Variants in FBXL7 observed in about 807,000 individuals in gnomAD.
The protein encoded by FBXL7 is F-box and leucine rich repeat protein 7.
A neutral mutation model predicts 38.3 loss-of-function variants in FBXL7; 12 were observed. The observed-to-expected ratio is 0.31, with a 90% CI of 0.20 to 0.51. The LOEUF (loss-of-function observed/expected upper bound fraction) is 0.51, where lower values mean the gene tolerates loss of function less well. Among genes scored for constraint, FBXL7 ranks in the 20% least tolerant of loss-of-function variants. The pLI, the probability that FBXL7 is intolerant of heterozygous loss-of-function variation, is 0.98. For missense variants in FBXL7, 567 were observed against 676.4 expected, an observed-to-expected ratio of 0.84 and a Z score of 1.79; for synonymous variants, 297 against 300.9, an observed-to-expected ratio of 0.99 and a Z score of 0.13.
chr5:15,694,580 A>G (rs888765564), intron 2 of FBXL7, among the ~76,000 whole-genome samples: 1 of 152,330 alleles, frequency 6.6e-6, no homozygotes. Context: ...AGCACAAAAC[A>G]GATCTTTTCC....
At chr5:15,840,719 C>T (rs189688383) in intron 2 of FBXL7, among the ~76,000 whole-genome samples, 110 of 151,812 alleles carry the variant, frequency 7.2e-4, no homozygotes, top group African/African-American at 2.5e-3. Flanking sequence ...CGGTGGCACG[C>T]GCTTGTAGTC....
intron 2 of FBXL7, among the ~76,000 whole-genome samples, chr5:15,719,329 T>C (rs1428154806): frequency 1.3e-5 from 2 of 152,194 alleles, no homozygotes; most frequent in South Asian, 2.1e-4. Flanking sequence ...TGACAAAATA[T>C]CAAGAACTGT....
At chr5:15,761,421 A>C (rs1736436497) in intron 2 of FBXL7, among the ~76,000 whole-genome samples, 1 of 152,216 alleles carries the variant, frequency 6.6e-6, no homozygotes, top group South Asian at 2.1e-4. Context: ...AACTTGGAGA[A>C]GGTAGGAAAC....
intron 1 of FBXL7, among the ~76,000 whole-genome samples, chr5:15,595,583 C>T (rs1739604207): frequency 6.6e-6 from 1 of 152,138 alleles, no homozygotes. Flanking sequence ...TACTAGGTAA[C>T]ATTTGTTGAG....
intron 1 of FBXL7, among the ~76,000 whole-genome samples, chr5:15,577,504 G>C (rs1171660456): frequency 6.6e-6 from 1 of 152,052 alleles, no homozygotes; most frequent in African/African-American, 2.4e-5. Flanking sequence ...GATATGTTCT[G>C]GGGGACACAA....
chr5:15,902,846 G>A (rs1037953032), intron 2 of FBXL7, among the ~76,000 whole-genome samples: 4 of 152,246 alleles, frequency 2.6e-5, no homozygotes, highest in Non-Finnish European at 5.9e-5. Context: ...TTCTAGGTGA[G>A]CACAGTGCAG....
chr5:15,612,519 T>G, intron 1 of FBXL7, among the ~76,000 whole-genome samples: 1 of 152,140 alleles, frequency 6.6e-6, no homozygotes, highest in East Asian at 1.9e-4. Flanking sequence ...TCTCTGAAAT[T>G]TGTTGTTTTA....
chr5:15,918,959 G>T (rs1033102441), intron 2 of FBXL7, among the ~76,000 whole-genome samples: 2 of 152,004 alleles, frequency 1.3e-5, no homozygotes, highest in Non-Finnish European at 2.9e-5. Context: ...TTGTGTAGAT[G>T]ATCTGAACCA....
intron 1 of FBXL7, among the ~76,000 whole-genome samples, chr5:15,538,121 G>A (rs926983629): frequency 2.6e-5 from 4 of 152,172 alleles, no homozygotes; most frequent in Non-Finnish European, 4.4e-5. Context: ...CCAGGAGCAG[G>A]AGATAAATTC....
chr5:15,592,311 G>A (rs1739503563), intron 1 of FBXL7, among the ~76,000 whole-genome samples: 1 of 152,110 alleles, frequency 6.6e-6, no homozygotes, highest in Non-Finnish European at 1.5e-5. Context: ...GCAGCAGCAT[G>A]GAGATGAGTT....
chr5:15,823,186 T>C (rs958506125), intron 2 of FBXL7, among the ~76,000 whole-genome samples: 1 of 152,248 alleles, frequency 6.6e-6, no homozygotes, highest in Non-Finnish European at 1.5e-5. Context: ...AGTGTCTTTG[T>C]GGGTGTATGT....
intron 2 of FBXL7, among the ~76,000 whole-genome samples, chr5:15,830,485 AACACACACACACACACACACAC>A (rs57825713): frequency 6.9e-6 from 1 of 144,192 alleles, no homozygotes; most frequent in African/African-American, 2.6e-5. Flanking sequence ...CTCCATCTAA[AACACACACACACACACACACAC>A]ACACACACAC....
intron 1 of FBXL7, among the ~76,000 whole-genome samples, chr5:15,608,671 T>G (rs1740115021): frequency 6.6e-6 from 1 of 152,200 alleles, no homozygotes; most frequent in Admixed American, 6.5e-5. Context: ...GAAGCAAATC[T>G]GAGGTTTACT....
chr5:15,573,671 T>C (rs148113518), intron 1 of FBXL7, among the ~76,000 whole-genome samples: 5 of 152,292 alleles, frequency 3.3e-5, no homozygotes, highest in Non-Finnish European at 5.9e-5. Context: ...GTCAAGCAGA[T>C]AGTTTCTGTT....
intron 2 of FBXL7, among the ~76,000 whole-genome samples, chr5:15,790,718 T>G (rs1737251586): frequency 6.6e-6 from 1 of 152,216 alleles, no homozygotes; most frequent in South Asian, 2.1e-4. Context: ...CCCTGACATT[T>G]ATTCACTGAA....
At chr5:15,641,550 A>T (rs1483936280) in intron 2 of FBXL7, among the ~76,000 whole-genome samples, 1 of 150,362 alleles carries the variant, frequency 6.7e-6, no homozygotes, top group Non-Finnish European at 1.5e-5. Context: ...TGTCAACTTG[A>T]CCAGGTCATA....
At chr5:15,601,988 C>T (rs1739810437) in intron 1 of FBXL7, among the ~76,000 whole-genome samples, 1 of 152,144 alleles carries the variant, frequency 6.6e-6, no homozygotes, top group South Asian at 2.1e-4. Flanking sequence ...TGAAAAGAGA[C>T]ACAGAGGCAC....
At chr5:15,671,659 G>A (rs1742481921) in intron 2 of FBXL7, among the ~76,000 whole-genome samples, 1 of 152,194 alleles carries the variant, frequency 6.6e-6, no homozygotes, top group South Asian at 2.1e-4. Flanking sequence ...GTTACCACAA[G>A]GATATTAGTG....
intron 2 of FBXL7, among the ~76,000 whole-genome samples, chr5:15,912,319 C>A (rs1217717659): frequency 4.0e-5 from 5 of 125,940 alleles, no homozygotes; most frequent in Non-Finnish European, 6.6e-5. Flanking sequence ...TTCTTTGACT[C>A]GGAAAGGGAA....
Sources: gnomAD v4.1 joint callset for allele counts (sites outside exome capture counted in the v4.1 genomes callset) on GRCh38, gnomAD v4.1.1 for gene constraint, MANE v1.5 for transcripts, NCBI Gene and HGNC (gene_info 2026-07-23, HGNC 2026-07-21) for gene names.